CSMD1: variants seen among roughly 807,000 people sequenced by gnomAD.
The protein encoded by CSMD1 is CUB and sushi domain-containing protein 1.
A neutral mutation model predicts 417.5 loss-of-function variants in CSMD1; 213 were observed. That is an observed-to-expected ratio of 0.51 (90% confidence interval 0.46 to 0.57). CSMD1 has a LOEUF of 0.57. CSMD1 is among the 20% of genes least tolerant of loss of function. The pLI is 0.00. For synonymous variants in CSMD1, 2,862 were observed against 1,736.8 expected, an observed-to-expected ratio of 1.65 and a Z score of -16.11; for missense variants, 6,923 against 4,529.7, an observed-to-expected ratio of 1.53 and a Z score of -15.17.
At chr8:3,889,652 T>C (rs769711586) in intron 5 of CSMD1, among the ~76,000 whole-genome samples, 2 of 151,142 alleles carry the variant, frequency 1.3e-5, no homozygotes, top group South Asian at 4.2e-4. Flanking sequence ...ATACTGGAAG[T>C]TGGTCCTATC....
intron 2 of CSMD1, among the ~76,000 whole-genome samples, chr8:4,540,216 C>A (rs1037920474): frequency 1.6e-4 from 24 of 152,298 alleles, no homozygotes; most frequent in African/African-American, 5.5e-4. Flanking sequence ...CTTTAAACTG[C>A]TGCTGGTTTG....
chr8:3,718,250 G>C (rs1448144821), intron 6 of CSMD1, among the ~76,000 whole-genome samples: 2 of 151,988 alleles, frequency 1.3e-5, no homozygotes, highest in African/African-American at 4.8e-5. Flanking sequence ...AGGTTATTTT[G>C]ACTGCAGCTC....
At chr8:4,624,772 T>C (rs1201008170) in intron 2 of CSMD1, among the ~76,000 whole-genome samples, 1 of 152,156 alleles carries the variant, frequency 6.6e-6, no homozygotes, top group Non-Finnish European at 1.5e-5. Context: ...CCTGAGGGTA[T>C]TCAAGTTTGT....
chr8:4,596,007 T>C (rs1281769853), intron 2 of CSMD1, among the ~76,000 whole-genome samples: 1 of 152,060 alleles, frequency 6.6e-6, no homozygotes, highest in East Asian at 1.9e-4. Context: ...CATAACCAGA[T>C]CCACCACTTG....
chr8:3,915,273 G>T (rs543269279), intron 5 of CSMD1, among the ~76,000 whole-genome samples: 1 of 152,000 alleles, frequency 6.6e-6, no homozygotes, highest in East Asian at 1.9e-4. Flanking sequence ...GGGCATGGTA[G>T]TGTGTGCCTG....
intron 7 of CSMD1, among the ~76,000 whole-genome samples, chr8:3,670,603 C>T (rs144264844): frequency 9.9e-6 from 1 of 100,902 alleles, no homozygotes; most frequent in African/African-American, 3.3e-5. Context: ...ATATATATTG[C>T]ACATATATAT....
intron 3 of CSMD1, among the ~76,000 whole-genome samples, chr8:4,269,108 G>C (rs1053218706): frequency 6.6e-6 from 1 of 152,162 alleles, no homozygotes; most frequent in Admixed American, 6.5e-5. Context: ...CCAGGCTGGA[G>C]TGCAGTGGTG....
intron 41 of CSMD1, among the ~76,000 whole-genome samples, chr8:3,125,308 G>A (rs2129022774): frequency 6.6e-6 from 1 of 152,320 alleles, no homozygotes; most frequent in Non-Finnish European, 1.5e-5. Context: ...GCATCACAGT[G>A]CCAGGCCACA....
At chr8:4,047,391 T>A (rs1210819545) in intron 3 of CSMD1, among the ~76,000 whole-genome samples, 1 of 152,180 alleles carries the variant, frequency 6.6e-6, no homozygotes, top group East Asian at 1.9e-4. Flanking sequence ...TCTTGGAAAC[T>A]CAGGAAATAT....
chr8:3,195,678 G>C (rs144480128), intron 33 of CSMD1, among the ~76,000 whole-genome samples: 84 of 152,280 alleles, frequency 5.5e-4, no homozygotes, highest in African/African-American at 1.8e-3. Context: ...AGGGAGAAGA[G>C]GGGAAGCTAC....
chr8:3,017,271 C>G (rs944357749), intron 52 of CSMD1, among the ~76,000 whole-genome samples: 2 of 152,172 alleles, frequency 1.3e-5, no homozygotes, highest in Non-Finnish European at 2.9e-5. Flanking sequence ...TTGTCCATAT[C>G]AAAGCTGCCT....
chr8:3,003,556 T>TGAC (rs1402863988), intron 52 of CSMD1, among the ~76,000 whole-genome samples: 8 of 152,234 alleles, frequency 5.3e-5, no homozygotes, highest in Admixed American at 2.6e-4. Context: ...CACCTTCATG[T>TGAC]ATTTGACAAT....
intron 1 of CSMD1, among the ~76,000 whole-genome samples, chr8:4,732,476 G>T (rs547980032): frequency 6.6e-6 from 1 of 151,402 alleles, no homozygotes; most frequent in African/African-American, 2.4e-5. Context: ...TACTTACAAG[G>T]GCTTCATTTT....
In CSMD1 at chr8:3,396,210, G is replaced by A. The variant is rs758266917; in HGVS notation, c.2577C>T (p.Phe859=). 1.1e-5 allele frequency: 17 copies of A among 1,562,684 alleles called. No homozygotes were observed. The highest frequency in any genetic ancestry group is 5.8e-5 in the Admixed American group (3 of 52,132). ...GCAACTCACTCTCATAGTGGATGAGGAAGCCGATGCTGGAGCGGCTGTTGT... is the reference window on the plus strand; with the variant it reads ...GCAACTCACTCTCATAGTGGATGAGAAAGCCGATGCTGGAGCGGCTGTTGT... The part of the protein sequence containing the change: ...TTDNSRSSIG[F]LIHYESVTLE... Residue 859 remains phenylalanine, a synonymous_variant, in exon 17 of 70, where the codon TTC becomes TTT. Transcript: ENST00000635120.
intron 3 of CSMD1, among the ~76,000 whole-genome samples, chr8:4,070,491 G>T (rs556004100): frequency 6.6e-5 from 10 of 152,140 alleles, no homozygotes; most frequent in Middle Eastern, 3.4e-3. Context: ...CCGAGTAGCT[G>T]GGACTACAGG....
chr8:4,125,761 C>A (rs939470694), intron 3 of CSMD1, among the ~76,000 whole-genome samples: 2 of 152,140 alleles, frequency 1.3e-5, no homozygotes, highest in South Asian at 4.1e-4. Context: ...TTGTTTACAG[C>A]CCTTATCAAC....
intron 3 of CSMD1, among the ~76,000 whole-genome samples, chr8:4,314,218 A>C (rs7002661): frequency 2.0e-5 from 3 of 150,298 alleles, no homozygotes; most frequent in South Asian, 2.1e-4. Context: ...CAGTCACGTT[A>C]ATAGTTAAGT....
chr8:4,988,582 A>C (rs1392057512), intron 1 of CSMD1, among the ~76,000 whole-genome samples: 1 of 152,212 alleles, frequency 6.6e-6, no homozygotes, highest in Non-Finnish European at 1.5e-5. Flanking sequence ...CCTTGGTGGA[A>C]TGTTTACAAC....
intron 27 of CSMD1, among the ~76,000 whole-genome samples, chr8:3,227,614 G>A (rs980992349): frequency 1.3e-5 from 2 of 152,070 alleles, no homozygotes; most frequent in Non-Finnish European, 2.9e-5. Context: ...ACTAGAGAGT[G>A]GCATCAGTGG....
Sources: gnomAD v4.1 joint callset for allele counts (sites outside exome capture counted in the v4.1 genomes callset) on GRCh38, gnomAD v4.1.1 for gene constraint, MANE v1.5 for transcripts, NCBI Gene and HGNC (gene_info 2026-07-23, HGNC 2026-07-21) for gene names.